The following MBNL3 variants were observed in gnomAD, a reference collection of about 807,000 sequenced individuals.
MBNL3 encodes the protein muscleblind-like protein 3.
Under a neutral mutation model 24.5 loss-of-function variants are expected in MBNL3, and 6 were observed. That is an observed-to-expected ratio of 0.25 (90% CI 0.13 to 0.48). MBNL3 has a LOEUF of 0.48. Among genes scored for constraint, MBNL3 ranks in the 20% least tolerant of loss-of-function variants. The probability of loss-of-function intolerance (pLI) is 0.99; values close to 1 mark genes in which losing one functional copy is unlikely to be tolerated. For missense variants in MBNL3, 230 were observed against 293.5 expected (o/e 0.78, Z 1.58); for synonymous variants, 100 against 101.7 (o/e 0.98, Z 0.10).
chrX:132,456,121 C>T (rs746911772), intron 1 of MBNL3, among the ~76,000 whole-genome samples: 3 of 112,243 alleles, frequency 2.7e-5, no homozygotes, highest in East Asian at 5.6e-4. Context: ...AGCCAAAACT[C>T]GTGAGATCTG....
chrX:132,392,604 C>G (rs1603101758), intron 3 of MBNL3, among the ~76,000 whole-genome samples: 3 of 112,517 alleles, frequency 2.7e-5, no homozygotes, highest in African/African-American at 9.7e-5. Context: ...TTAAATCTCA[C>G]TGCTAGTCTG....
At chrX:132,413,125 C>A (rs1466644603) in intron 2 of MBNL3, among the ~76,000 whole-genome samples, 1 of 111,786 alleles carries the variant, frequency 8.9e-6, no homozygotes, top group Admixed American at 9.4e-5. Context: ...TCTCTCTGAC[C>A]CATTAGTCAA....
At position 132,394,472 on chromosome X, in the gene MBNL3, C is replaced by T. The variant is rs192096979; in HGVS notation, c.343-2138G>A. The stretch of plus-strand genomic sequence containing the variant: ...AGAAAGAGTCCATTTTTGAAGCACA[C>T]GATAGTGCTCTTCACTTGACTTTTC... On this transcript the variant is annotated intron_variant, in intron 3 of 8. Coordinates refer to ENST00000370853, the MANE Select transcript of MBNL3 (RefSeq NM_001386889.1). 2.4e-3 allele frequency among the ~76,000 whole-genome samples: 273 copies of T among 112,087 alleles called. 1 individual carries two copies. Among genetic ancestry groups the T allele is most frequent in the African/African-American group, 8.3e-3 (257 of 30,968 alleles).
At position 132,369,363 on chromosome X, in the gene MBNL3, G is replaced by C. The variant is rs779902671; in HGVS notation, c.*10303C>G. ...ATTAAATAGTGAAATGGTTAACAAA[G>C]GCACATCAATAACCACTTACTATAT... On this transcript the variant is annotated 3_prime_UTR_variant, in exon 9 of 9. Transcript: ENST00000370853. The C allele has an allele frequency of 1.8e-5, 2 of 111,520 alleles. No individual in the cohort carries two copies. Among genetic ancestry groups the C allele is most frequent in the Non-Finnish European group, 3.8e-5 (2 of 53,090 alleles). The allele number at this position is 111,520 out of a possible 1,213,427, so 9.2% of individuals were successfully genotyped here.
intron 2 of MBNL3, among the ~76,000 whole-genome samples, chrX:132,407,218 A>T (rs1346072298): frequency 8.9e-6 from 1 of 112,247 alleles, no homozygotes; most frequent in African/African-American, 3.2e-5. Context: ...CTATAATTTC[A>T]CTGAGAATCA....
At chrX:132,445,623 C>G (rs1297608540) in intron 1 of MBNL3, among the ~76,000 whole-genome samples, 1 of 110,854 alleles carries the variant, frequency 9.0e-6, no homozygotes, top group Non-Finnish European at 1.9e-5. Context: ...CACCCCAACT[C>G]AGTTCATACA....
chrX:132,392,384 G>A, intron 3 of MBNL3, 50 bp from the exon 4 acceptor site: 1 of 963,672 alleles, frequency 1.0e-6, no homozygotes, highest in South Asian at 2.8e-5. Flanking sequence ...GATTCTTCCT[G>A]TCATTACACA....
chrX:132,454,618 C>T (rs1603259632), intron 1 of MBNL3, among the ~76,000 whole-genome samples: 1 of 112,120 alleles, frequency 8.9e-6, no homozygotes, highest in Middle Eastern at 4.6e-3. Context: ...AATGCCAAAC[C>T]CTCCAGTAGC....
chrX:132,395,299 A>C (rs149813843), intron 3 of MBNL3, among the ~76,000 whole-genome samples: 1,497 of 111,461 alleles, frequency 0.013, 28 homozygotes, highest in African/African-American at 0.046. Flanking sequence ...TCCTGTCTCT[A>C]TATATATCTC....
chrX:132,444,284 G>A (rs1046208126), intron 1 of MBNL3, among the ~76,000 whole-genome samples: 6 of 110,368 alleles, frequency 5.4e-5, no homozygotes, highest in Admixed American at 1.9e-4. Flanking sequence ...TTGTCAGTTG[G>A]GCATCCTCTA....
chrX:132,388,914 T>G (rs1296318158), intron 5 of MBNL3, among the ~76,000 whole-genome samples: 1 of 111,082 alleles, frequency 9.0e-6, no homozygotes, highest in Non-Finnish European at 1.9e-5. Flanking sequence ...TATCAAATTC[T>G]TATGAGCCAA....
At chrX:132,461,157 A>AACACG (rs774670869) in intron 1 of MBNL3, among the ~76,000 whole-genome samples, 12 of 112,137 alleles carry the variant, frequency 1.1e-4, no homozygotes, top group Non-Finnish European at 1.7e-4. Context: ...TCTGGAGATG[A>AACACG]ACACGGATGA....
upstream of MBNL3, chrX:132,490,014 T>A (rs1948212345): frequency 8.9e-6 from 1 of 112,614 alleles, no homozygotes; most frequent in Non-Finnish European, 1.9e-5. Context: ...ATATTCTTTG[T>A]GTGGTTCGCT....
At chrX:132,478,988 G>A (rs1477338791) in intron 1 of MBNL3, among the ~76,000 whole-genome samples, 1 of 112,353 alleles carries the variant, frequency 8.9e-6, no homozygotes. Context: ...GGTGGCTCAC[G>A]CCTGTAATCC....
chrX:132,384,987 A>C (rs959320795), intron 6 of MBNL3, among the ~76,000 whole-genome samples: 7 of 111,551 alleles, frequency 6.3e-5, no homozygotes, highest in Non-Finnish European at 9.4e-5. Flanking sequence ...TACATCCTAA[A>C]TAATTTTTAT....
chrX:132,394,623 AAAG>A (rs1256678199), intron 3 of MBNL3, among the ~76,000 whole-genome samples: 1 of 112,215 alleles, frequency 8.9e-6, no homozygotes, highest in East Asian at 2.8e-4. Context: ...TTTTGAACTG[AAAG>A]AAAGACCTGG....
At chrX:132,483,605 T>C (rs891020531) in intron 1 of MBNL3, among the ~76,000 whole-genome samples, 3 of 112,151 alleles carry the variant, frequency 2.7e-5, no homozygotes, top group African/African-American at 6.5e-5. Flanking sequence ...ATTTTGCTAA[T>C]AGACTACCCC....
intron 2 of MBNL3, among the ~76,000 whole-genome samples, chrX:132,410,469 AATAC>A (rs1238390053): frequency 9.0e-6 from 1 of 111,148 alleles, no homozygotes; most frequent in Admixed American, 9.5e-5. Flanking sequence ...TGCTTCTTCA[AATAC>A]ATACAGAGTT....
rs138030967 is a variant in MBNL3 at position 132,450,165 on chromosome X, T to C, written c.-703-9851A>G. Among the ~76,000 whole-genome samples, 817 of 111,245 alleles carry C rather than the reference T, an allele frequency of 7.3e-3. 5 individuals are homozygous for C. Among genetic ancestry groups the C allele is most frequent in the Non-Finnish European group, 0.011 (586 of 53,052 alleles). The stretch of plus-strand genomic sequence containing the variant: ...TTGGGGTTAGTCTTCTCAAGGAGTA[T>C]CTTTGTGGTGTTCTCTGTATTTCCT... On this transcript the variant is annotated intron_variant, in intron 1 of 8. Transcript: ENST00000370853.
Sources: allele counts gnomAD v4.1 joint callset (sites outside exome capture counted in the v4.1 genomes callset), GRCh38; gene constraint gnomAD v4.1.1; transcripts MANE v1.5; gene names NCBI Gene and HGNC (gene_info 2026-07-23, HGNC 2026-07-21).